RORA: variants seen among roughly 807,000 people sequenced by gnomAD.
RORA encodes nuclear receptor ROR-alpha.
A neutral mutation model predicts 69.5 loss-of-function variants in RORA; 7 were observed. The ratio of observed to expected loss-of-function variants is 0.10; its 90% CI spans 0.06 to 0.19. The LOEUF (loss-of-function observed/expected upper bound fraction) is 0.19, where lower values mean the gene tolerates loss of function less well. Ranked by LOEUF, RORA falls within the 10% of genes least tolerant of loss-of-function variation. RORA has a pLI of 1.00. For synonymous variants in RORA, 261 were observed against 240.8 expected (o/e 1.08, Z -0.78); for missense variants, 457 against 663.0 (o/e 0.69, Z 3.41).
intron 1 of RORA, among the ~76,000 whole-genome samples, chr15:60,726,455 C>T (rs2071358224): frequency 6.6e-6 from 1 of 152,208 alleles, no homozygotes; most frequent in Admixed American, 6.5e-5. Context: ...CAGTTTGCCA[C>T]AGCACAGGGC....
intron 1 of RORA, among the ~76,000 whole-genome samples, chr15:60,706,814 AG>A (rs1380039060): frequency 6.6e-6 from 1 of 152,222 alleles, no homozygotes; most frequent in East Asian, 1.9e-4. Flanking sequence ...TCCACTGACA[AG>A]CTCTCTGCAG....
At chr15:60,898,500 AAAATAAAT>A (rs59713870) in intron 1 of RORA, among the ~76,000 whole-genome samples, 5,128 of 138,070 alleles carry the variant, frequency 0.037, 121 homozygotes, top group African/African-American at 0.062. Context: ...ATTGTCTCTA[AAAATAAAT>A]AAATAAATAA....
chr15:60,840,819 TGACA>T (rs1414711064), intron 1 of RORA, among the ~76,000 whole-genome samples: 1 of 152,218 alleles, frequency 6.6e-6, no homozygotes, highest in Non-Finnish European at 1.5e-5. Context: ...GCAGCCTGAC[TGACA>T]AAGCATCCTG....
intron 1 of RORA, among the ~76,000 whole-genome samples, chr15:60,721,273 CA>C (rs2071290176): frequency 6.6e-6 from 1 of 151,994 alleles, no homozygotes; most frequent in Non-Finnish European, 1.5e-5. Context: ...TCCAAATTAA[CA>C]AAAAATCAGA....
intron 1 of RORA, among the ~76,000 whole-genome samples, chr15:60,807,422 T>A (rs997533896): frequency 6.6e-6 from 1 of 152,136 alleles, no homozygotes; most frequent in African/African-American, 2.4e-5. Context: ...AAAGAAATCA[T>A]AGATGACACA....
At chr15:60,597,344 G>A (rs1291069111) in intron 2 of RORA, among the ~76,000 whole-genome samples, 1 of 150,748 alleles carries the variant, frequency 6.6e-6, no homozygotes, top group African/African-American at 2.4e-5. Context: ...GGCATACAGA[G>A]CTGAGCAACC....
chr15:61,095,408 T>C (rs2078774339), intron 1 of RORA, among the ~76,000 whole-genome samples: 1 of 152,232 alleles, frequency 6.6e-6, no homozygotes, highest in Non-Finnish European at 1.5e-5. Context: ...GAAAGAGCTT[T>C]TAATAATATG....
intron 1 of RORA, among the ~76,000 whole-genome samples, chr15:61,173,705 G>A (rs759494161): frequency 6.6e-6 from 1 of 152,184 alleles, no homozygotes; most frequent in East Asian, 1.9e-4. Flanking sequence ...ACCCAGGCTG[G>A]AGTGCAGTGG....
chr15:60,996,549 A>G (rs989159371), intron 1 of RORA, among the ~76,000 whole-genome samples: 1 of 152,204 alleles, frequency 6.6e-6, no homozygotes, highest in African/African-American at 2.4e-5. Context: ...ATGAAGTGGC[A>G]GCTACAGTAA....
rs2070594469 is a variant in RORA, at chr15:60,678,802, C to A, written c.167-116G>T. On this transcript the variant is annotated intron_variant, in intron 1 of 10. Transcript: ENST00000335670. The stretch of plus-strand genomic sequence containing the variant: ...TTTAGTTCAGATGGGGAAGTGGAAG[C>A]AAGACCAGTTTTAACATTGCACAGG... 4 of 838,536 alleles carry A rather than the reference C, an allele frequency of 4.8e-6. No individual in the cohort carries two copies. In the African/African-American group the frequency reaches 5.1e-5, roughly 11 times the overall value. The allele number at this position is 838,536 out of a possible 1,614,324, so 51.9% of individuals were successfully genotyped here.
chr15:60,729,532 C>T (rs2071403843), intron 1 of RORA, among the ~76,000 whole-genome samples: 1 of 152,122 alleles, frequency 6.6e-6, no homozygotes, highest in Non-Finnish European at 1.5e-5. Flanking sequence ...ATAGCAGACT[C>T]CCAATGTCCT....
intron 1 of RORA, among the ~76,000 whole-genome samples, chr15:61,199,900 G>C (rs2079879484): frequency 6.6e-6 from 1 of 152,200 alleles, no homozygotes; most frequent in African/African-American, 2.4e-5. Flanking sequence ...TGCTGTCGGG[G>C]ACTGGGATAC....
intron 1 of RORA, among the ~76,000 whole-genome samples, chr15:61,087,079 G>A (rs1330569211): frequency 3.3e-5 from 5 of 152,200 alleles, no homozygotes. Context: ...GCTGAGGTGG[G>A]AGGCTTGCTT....
At chr15:60,980,694 C>T (rs1455176092) in intron 1 of RORA, among the ~76,000 whole-genome samples, 1 of 151,902 alleles carries the variant, frequency 6.6e-6, no homozygotes, top group African/African-American at 2.4e-5. Context: ...TCTTAAAATC[C>T]TTTTGTATTT....
chr15:61,016,008 G>C (rs1459896721), intron 1 of RORA, among the ~76,000 whole-genome samples: 1 of 152,220 alleles, frequency 6.6e-6, no homozygotes, highest in East Asian at 1.9e-4. Flanking sequence ...ATATCGGAGA[G>C]ATGACTGCAG....
intron 1 of RORA, among the ~76,000 whole-genome samples, chr15:61,200,443 G>A (rs955921448): frequency 6.6e-6 from 1 of 152,232 alleles, no homozygotes; most frequent in African/African-American, 2.4e-5. Flanking sequence ...AGGATCCATC[G>A]GGGCCCAGAG....
chr15:61,029,954 C>T (rs562511569), intron 1 of RORA, among the ~76,000 whole-genome samples: 22 of 152,206 alleles, frequency 1.4e-4, no homozygotes, highest in South Asian at 4.2e-4. Context: ...GGCATAAGTA[C>T]GCATGATCCT....
At chr15:61,106,167 C>T (rs2078946630) in intron 1 of RORA, among the ~76,000 whole-genome samples, 1 of 152,132 alleles carries the variant, frequency 6.6e-6, no homozygotes, top group Admixed American at 6.6e-5. Flanking sequence ...TGTCTTTGAC[C>T]ATCTTGTTCA....
intron 2 of RORA, among the ~76,000 whole-genome samples, chr15:60,584,592 C>A (rs887517503): frequency 3.9e-5 from 6 of 152,198 alleles, no homozygotes; most frequent in Non-Finnish European, 5.9e-5. Flanking sequence ...GTCTCAGCTC[C>A]TATTATAAAA....
Sources: allele counts gnomAD v4.1 joint callset (sites outside exome capture counted in the v4.1 genomes callset), GRCh38; gene constraint gnomAD v4.1.1; transcripts MANE v1.5; gene names NCBI Gene and HGNC (gene_info 2026-07-23, HGNC 2026-07-21).